HS3ST5: variants seen among roughly 807,000 people sequenced by gnomAD.
HS3ST5 encodes heparan sulfate-glucosamine 3-sulfotransferase 5.
Under a neutral mutation model 25.4 loss-of-function variants are expected in HS3ST5, and 10 were observed. The observed-to-expected ratio is 0.39, with a 90% CI of 0.24 to 0.67. HS3ST5 has a LOEUF of 0.67. HS3ST5 is among the 30% of genes least tolerant of loss of function. The probability of loss-of-function intolerance (pLI) is 0.44; values close to 1 mark genes in which losing one functional copy is unlikely to be tolerated. For missense variants in HS3ST5, 324 were observed against 420.7 expected, an observed-to-expected ratio of 0.77 and a Z score of 2.01; for synonymous variants, 170 against 162.4, an observed-to-expected ratio of 1.05 and a Z score of -0.36.
intron 1 of HS3ST5, among the ~76,000 whole-genome samples, chr6:114,233,337 T>C (rs1771697746): frequency 2.6e-5 from 4 of 152,200 alleles, no homozygotes; most frequent in Admixed American, 2.6e-4. Flanking sequence ...TTATCAATAC[T>C]AATAATTCAA....
intron 3 of HS3ST5, among the ~76,000 whole-genome samples, chr6:114,128,981 C>A (rs778362994): frequency 2.6e-5 from 4 of 152,106 alleles, no homozygotes; most frequent in Non-Finnish European, 5.9e-5. Flanking sequence ...AAGTCAAACT[C>A]CAGGAAAAGA....
chr6:114,139,080 A>G (rs1191324692), intron 3 of HS3ST5, among the ~76,000 whole-genome samples: 2 of 152,224 alleles, frequency 1.3e-5, no homozygotes, highest in Admixed American at 6.5e-5. Context: ...GCAGGAGTGC[A>G]CTTTGCCAAC....
At chr6:114,143,837 T>C (rs534781299) in intron 3 of HS3ST5, 4 of 152,666 alleles carry the variant, frequency 2.6e-5, no homozygotes, top group African/African-American at 7.2e-5. Flanking sequence ...CCAGCTCTTT[T>C]GTTGCTGCCA....
chr6:114,084,501 C>T (rs1774666127), intron 3 of HS3ST5: 11 of 758,490 alleles, frequency 1.5e-5, no homozygotes, highest in South Asian at 2.7e-5. Context: ...TGGTGCCACG[C>T]ATGCGCAGAA....
At chr6:114,326,512 C>G (rs1294488741) in intron 1 of HS3ST5, among the ~76,000 whole-genome samples, 1 of 152,116 alleles carries the variant, frequency 6.6e-6, no homozygotes, top group Non-Finnish European at 1.5e-5. Context: ...ACCTTTATTC[C>G]TCAGTACCAA....
intron 3 of HS3ST5, among the ~76,000 whole-genome samples, chr6:114,146,876 C>T (rs1778193025): frequency 6.6e-6 from 1 of 152,164 alleles, no homozygotes; most frequent in Non-Finnish European, 1.5e-5. Context: ...GGGAAGCTGC[C>T]ATGCTTGTGC....
chr6:114,196,656 A>C (rs1025247798), intron 2 of HS3ST5, among the ~76,000 whole-genome samples: 8 of 146,016 alleles, frequency 5.5e-5, no homozygotes, highest in African/African-American at 1.8e-4. Context: ...GAGCTCCACA[A>C]AAAAAAAAAA....
chr6:114,130,592 C>G (rs112892487), intron 3 of HS3ST5, among the ~76,000 whole-genome samples: 76 of 151,970 alleles, frequency 5.0e-4, no homozygotes, highest in African/African-American at 1.7e-3. Flanking sequence ...CTTTTTGAGA[C>G]GGAGTCTTGC....
At chr6:114,084,704 A>G in intron 3 of HS3ST5, 1 of 1,264,682 alleles carries the variant, frequency 7.9e-7, no homozygotes, top group East Asian at 2.3e-5. Flanking sequence ...TGGCTCCTGG[A>G]AGGCTGCCTG....
chr6:114,091,449 G>A (rs550616733), intron 3 of HS3ST5, among the ~76,000 whole-genome samples: 11 of 152,012 alleles, frequency 7.2e-5, no homozygotes, highest in South Asian at 2.1e-4. Context: ...AAGCCGAGGC[G>A]GGCAGATCAC....
chr6:114,154,862 A>G (rs1778624163), intron 3 of HS3ST5, among the ~76,000 whole-genome samples: 2 of 152,174 alleles, frequency 1.3e-5, no homozygotes, highest in African/African-American at 4.8e-5. Flanking sequence ...CCTGACTGCC[A>G]TACATAAGAA....
intron 2 of HS3ST5, among the ~76,000 whole-genome samples, chr6:114,215,409 G>C (rs1028665252): frequency 6.6e-6 from 1 of 152,062 alleles, no homozygotes; most frequent in African/African-American, 2.4e-5. Flanking sequence ...TCCATTTCTG[G>C]TTCTCCCTAC....
intron 2 of HS3ST5, among the ~76,000 whole-genome samples, chr6:114,186,392 C>T (rs1780217901): frequency 1.3e-5 from 2 of 151,980 alleles, no homozygotes; most frequent in Non-Finnish European, 2.9e-5. Flanking sequence ...GCCTTATTGC[C>T]AATATGGAGA....
intron 3 of HS3ST5, among the ~76,000 whole-genome samples, chr6:114,149,244 G>A (rs1410506706): frequency 6.6e-6 from 1 of 152,144 alleles, no homozygotes; most frequent in African/African-American, 2.4e-5. Flanking sequence ...TATACCCAAA[G>A]GGTTACAAAT....
chr6:114,282,529 G>A (rs974691692), intron 1 of HS3ST5, among the ~76,000 whole-genome samples: 2 of 151,948 alleles, frequency 1.3e-5, no homozygotes, highest in Admixed American at 6.6e-5. Flanking sequence ...GCCTCCATGT[G>A]CCAGCGAAGC....
chr6:114,316,336 A>T (rs187410156), intron 1 of HS3ST5, among the ~76,000 whole-genome samples: 20 of 152,304 alleles, frequency 1.3e-4, no homozygotes, highest in African/African-American at 4.8e-4. Flanking sequence ...GGTTGCAATA[A>T]ACCAATGATG....
At chr6:114,248,036 C>T (rs1772461770) in intron 1 of HS3ST5, among the ~76,000 whole-genome samples, 2 of 151,144 alleles carry the variant, frequency 1.3e-5, no homozygotes, top group African/African-American at 2.4e-5. Flanking sequence ...CCTGTCTTTA[C>T]TAAAAATACA....
chr6:114,258,414 C>T (rs973576311), intron 1 of HS3ST5, among the ~76,000 whole-genome samples: 1 of 152,190 alleles, frequency 6.6e-6, no homozygotes, highest in African/African-American at 2.4e-5. Context: ...CCATCAGCAG[C>T]AGTGTGATGA....
intron 3 of HS3ST5, among the ~76,000 whole-genome samples, chr6:114,134,490 A>C (rs1234691091): frequency 6.6e-6 from 1 of 152,182 alleles, no homozygotes; most frequent in African/African-American, 2.4e-5. Flanking sequence ...CCAGGTAGGC[A>C]GAATTTTTTG....
Sources: gnomAD v4.1 joint callset for allele counts (sites outside exome capture counted in the v4.1 genomes callset) on GRCh38, gnomAD v4.1.1 for gene constraint, MANE v1.5 for transcripts, NCBI Gene and HGNC (gene_info 2026-07-23, HGNC 2026-07-21) for gene names.